Variants in AUTS2 observed in about 807,000 individuals in gnomAD.
AUTS2 encodes the protein autism susceptibility gene 2 protein.
Under a neutral mutation model 112.4 loss-of-function variants are expected in AUTS2, and 17 were observed. The observed-to-expected ratio is 0.15, with a 90% CI of 0.10 to 0.23. The LOEUF (loss-of-function observed/expected upper bound fraction) is 0.23, where lower values mean the gene tolerates loss of function less well. Among genes scored for constraint, AUTS2 ranks in the 10% least tolerant of loss-of-function variants. AUTS2 has a pLI of 1.00. For synonymous variants in AUTS2, 751 were observed against 702.7 expected (o/e 1.07, Z -1.09); for missense variants, 1,510 against 1,701.6 (o/e 0.89, Z 1.98).
intron 4 of AUTS2, among the ~76,000 whole-genome samples, chr7:70,139,989 G>A (rs935304802): frequency 1.3e-5 from 2 of 152,174 alleles, no homozygotes; most frequent in South Asian, 2.1e-4. Context: ...TGACAAGAGC[G>A]AGATCTCAAA....
chr7:70,407,838 G>A (rs2130357408), intron 4 of AUTS2, among the ~76,000 whole-genome samples: 1 of 152,058 alleles, frequency 6.6e-6, no homozygotes, highest in Admixed American at 6.5e-5. Context: ...GCGGATCATG[G>A]GGTCAGGAGA....
chr7:70,548,765 T>C (rs572373080), intron 5 of AUTS2, among the ~76,000 whole-genome samples: 2 of 152,330 alleles, frequency 1.3e-5, no homozygotes, highest in African/African-American at 4.8e-5. Context: ...TATATGTCTA[T>C]CCTTATGTCA....
At chr7:69,611,758 G>T (rs986965586) in intron 1 of AUTS2, among the ~76,000 whole-genome samples, 1 of 149,964 alleles carries the variant, frequency 6.7e-6, no homozygotes, top group Admixed American at 6.6e-5. Flanking sequence ...GTGAAACCCC[G>T]TCTCTACTAA....
chr7:69,626,449 A>G (rs1249042435), intron 1 of AUTS2, among the ~76,000 whole-genome samples: 2 of 151,968 alleles, frequency 1.3e-5, no homozygotes, highest in Admixed American at 6.5e-5. Context: ...TGTTGCTTTC[A>G]TGCCCACTGT....
chr7:70,087,378 T>C (rs1435485986), intron 2 of AUTS2, among the ~76,000 whole-genome samples: 5 of 151,122 alleles, frequency 3.3e-5, no homozygotes, highest in Admixed American at 6.6e-5. Flanking sequence ...TTTTCTTTTT[T>C]TTTTTTTTGA....
intron 1 of AUTS2, among the ~76,000 whole-genome samples, chr7:69,775,345 G>T (rs1788846133): frequency 6.6e-6 from 1 of 152,134 alleles, no homozygotes; most frequent in Admixed American, 6.5e-5. Flanking sequence ...CTCCATAGAG[G>T]CTGAGAATGA....
At chr7:70,240,149 C>A (rs1435750300) in intron 4 of AUTS2, among the ~76,000 whole-genome samples, 1 of 152,114 alleles carries the variant, frequency 6.6e-6, no homozygotes, top group Non-Finnish European at 1.5e-5. Flanking sequence ...CCCCGGTAGC[C>A]AAGGAGCACA....
intron 4 of AUTS2, among the ~76,000 whole-genome samples, chr7:70,304,492 A>T (rs996918040): frequency 6.6e-6 from 1 of 152,032 alleles, no homozygotes; most frequent in African/African-American, 2.4e-5. Flanking sequence ...ATCACCCATG[A>T]CCTTTTATTT....
chr7:69,863,645 A>G (rs1793090357), intron 1 of AUTS2, among the ~76,000 whole-genome samples: 1 of 152,244 alleles, frequency 6.6e-6, no homozygotes, highest in Non-Finnish European at 1.5e-5. Context: ...TTCTGAATCT[A>G]TGTGTTACCA....
chr7:70,617,024 T>C (rs75889911), intron 5 of AUTS2, among the ~76,000 whole-genome samples: 1,711 of 152,316 alleles, frequency 0.011, 32 homozygotes, highest in African/African-American at 0.039. Flanking sequence ...ATAGCTTGAC[T>C]AGCAGTGCCT....
intron 5 of AUTS2, among the ~76,000 whole-genome samples, chr7:70,675,636 C>G (rs1017205838): frequency 2.6e-5 from 4 of 152,208 alleles, no homozygotes; most frequent in Non-Finnish European, 5.9e-5. Context: ...TGTCTCTGCT[C>G]CACCATGACT....
chr7:70,121,893 A>C (rs942307268), intron 3 of AUTS2, among the ~76,000 whole-genome samples: 9 of 152,234 alleles, frequency 5.9e-5, no homozygotes, highest in Non-Finnish European at 1.3e-4. Flanking sequence ...TGTTCACTGC[A>C]GCATTATTTA....
chr7:70,681,319 C>T (rs1288129533), intron 5 of AUTS2, among the ~76,000 whole-genome samples: 1 of 152,142 alleles, frequency 6.6e-6, no homozygotes, highest in Non-Finnish European at 1.5e-5. Context: ...CTCCCGCTCC[C>T]CGAGGGTTTG....
At chr7:70,105,373 C>T (rs1804714142) in intron 2 of AUTS2, among the ~76,000 whole-genome samples, 1 of 152,126 alleles carries the variant, frequency 6.6e-6, no homozygotes, top group South Asian at 2.1e-4. Context: ...AATCCTCGTG[C>T]CTCAGTCTCC....
intron 1 of AUTS2, among the ~76,000 whole-genome samples, chr7:69,739,136 A>G (rs1188915907): frequency 6.6e-6 from 1 of 152,102 alleles, no homozygotes; most frequent in African/African-American, 2.4e-5. Flanking sequence ...GGGTGGGAAT[A>G]ACAACCCACC....
chr7:70,579,244 TAAA>T (rs10611601), intron 5 of AUTS2, among the ~76,000 whole-genome samples: 60 of 55,898 alleles, frequency 1.1e-3, no homozygotes, highest in South Asian at 1.5e-3. Context: ...TTCTCTTTTC[TAAA>T]AAAAAAAAAA....
rs1794874069 is a variant in AUTS2 at position 69,899,319 on chromosome 7, G to A, written c.343G>A (p.Glu115Lys). 6.2e-7 allele frequency: 1 copy of A among 1,613,856 alleles called. No individual in the cohort carries two copies. Among genetic ancestry groups the A allele is most frequent in the South Asian group, 1.1e-5 (1 of 91,084 alleles). The change falls in exon 2 of 19, where the codon GAG (glutamate) becomes AAG (lysine). Residue 115 changes from glutamate to lysine, a missense_variant. Glu to Lys is a moderately conservative substitution (Grantham distance 56). This residue lies in a region of AUTS2 where 535 missense variants were observed against 594.3 expected (regional missense o/e 0.90). Coordinates refer to ENST00000342771, the MANE Select transcript of AUTS2 (RefSeq NM_015570.4). ...DVALKPQERVEKRQTPLTKKK... is the reference protein window; with the variant it reads ...DVALKPQERVKKRQTPLTKKK... ...AGCACTTAAGCCTCAGGAACGTGTG[G>A]AGAAACGCCAGACGCCCCTGACCAA...
chr7:70,122,214 T>C (rs1267103467), intron 3 of AUTS2, among the ~76,000 whole-genome samples: 2 of 152,198 alleles, frequency 1.3e-5, no homozygotes, highest in African/African-American at 4.8e-5. Flanking sequence ...AAGCTATTGC[T>C]TGTTGGTTAC....
chr7:70,256,426 A>G (rs1473971491), intron 4 of AUTS2, among the ~76,000 whole-genome samples: 1 of 152,156 alleles, frequency 6.6e-6, no homozygotes, highest in Non-Finnish European at 1.5e-5. Flanking sequence ...TCCTGAAAAG[A>G]AGGCTTATAG....
Sources: gnomAD v4.1 joint callset for allele counts (sites outside exome capture counted in the v4.1 genomes callset) on GRCh38, gnomAD v4.1.1 for gene constraint, gnomAD v4.1.1 regional missense constraint, MANE v1.5 for transcripts, NCBI Gene and HGNC (gene_info 2026-07-23, HGNC 2026-07-21) for gene names.